Variants in ZC3H12B observed in about 807,000 individuals in gnomAD.
The protein encoded by ZC3H12B is zinc finger CCCH-type containing 12B.
In ZC3H12B, 7 loss-of-function variants were observed where a neutral mutation model predicts 43.9. The ratio of observed to expected loss-of-function variants is 0.16; its 90% CI spans 0.09 to 0.30. ZC3H12B has a LOEUF of 0.30. ZC3H12B is among the 10% of genes least tolerant of loss of function. The pLI, the probability that ZC3H12B is intolerant of heterozygous loss-of-function variation, is 1.00. For missense variants in ZC3H12B, 475 were observed against 670.2 expected, an observed-to-expected ratio of 0.71 and a Z score of 3.22; for synonymous variants, 222 against 241.7, an observed-to-expected ratio of 0.92 and a Z score of 0.76.
intron 3 of ZC3H12B, among the ~76,000 whole-genome samples, chrX:65,407,372 GGCGT>G (rs1308850110): frequency 1.8e-5 from 2 of 112,499 alleles, no homozygotes; most frequent in African/African-American, 6.5e-5. Flanking sequence ...GGTCGCACGG[GGCGT>G]GCCGAGCCGC....
At chrX:65,272,133 G>A in the ZC3H12B span, 15,191 of 108,733 alleles carry the variant, frequency 0.14, 2,716 homozygotes, top group African/African-American at 0.48. Context: ...AGAATGGTGC[G>A]AACATGGGAG....
the ZC3H12B span, among the ~76,000 whole-genome samples, chrX:65,355,978 A>G: frequency 8.9e-6 from 1 of 112,085 alleles, no homozygotes; most frequent in African/African-American, 3.2e-5. Context: ...GAAATAAAAT[A>G]AAATTCTTAT....
intron 2 of ZC3H12B, among the ~76,000 whole-genome samples, chrX:65,390,910 T>C (rs930031077): frequency 1.8e-5 from 2 of 111,696 alleles, no homozygotes; most frequent in Non-Finnish European, 3.8e-5. Context: ...TAGGAATCAA[T>C]AATAACAATA....
intron 3 of ZC3H12B, among the ~76,000 whole-genome samples, chrX:65,434,156 A>C (rs2067194078): frequency 9.0e-6 from 1 of 111,680 alleles, no homozygotes; most frequent in African/African-American, 3.3e-5. Flanking sequence ...ATTACATTTA[A>C]GTTTTTCATT....
the ZC3H12B span, among the ~76,000 whole-genome samples, chrX:65,138,599 T>C: frequency 8.9e-6 from 1 of 112,167 alleles, no homozygotes; most frequent in Admixed American, 9.4e-5. Flanking sequence ...TATTCACATA[T>C]ACCCAGCAGT....
chrX:65,356,578 A>T, the ZC3H12B span, among the ~76,000 whole-genome samples: 1 of 112,415 alleles, frequency 8.9e-6, no homozygotes, highest in East Asian at 2.8e-4. Context: ...TATATACCAT[A>T]ATGTAAAATA....
the ZC3H12B span, among the ~76,000 whole-genome samples, chrX:65,190,037 C>T: frequency 2.7e-5 from 3 of 111,573 alleles, no homozygotes; most frequent in African/African-American, 9.8e-5. Context: ...TTCCCCAGCA[C>T]CATTTATTAA....
At chrX:65,440,420 G>A (rs755389665) in intron 3 of ZC3H12B, among the ~76,000 whole-genome samples, 2 of 112,464 alleles carry the variant, frequency 1.8e-5, no homozygotes, top group South Asian at 7.3e-4. Context: ...ACGTTAATAG[G>A]CATATCAAAA....
At chrX:65,153,647 T>A in the ZC3H12B span, among the ~76,000 whole-genome samples, 1 of 112,100 alleles carries the variant, frequency 8.9e-6, no homozygotes, top group Non-Finnish European at 1.9e-5. Flanking sequence ...GTAAACTAGT[T>A]CAACCATTGT....
chrX:65,230,942 TA>T, the ZC3H12B span, among the ~76,000 whole-genome samples: 1 of 112,272 alleles, frequency 8.9e-6, no homozygotes, highest in Non-Finnish European at 1.9e-5. Flanking sequence ...TATGAAGACT[TA>T]AGGATAAACC....
chrX:65,502,901 T>C (rs1463996292), exon 5 of ZC3H12B: 2 of 1,211,736 alleles, frequency 1.7e-6, no homozygotes, highest in Admixed American at 2.2e-5. Context: ...CCCGCTGCCC[T>C]GTACAACTGA....
the ZC3H12B span, among the ~76,000 whole-genome samples, chrX:65,192,081 G>T: frequency 2.7e-5 from 3 of 110,249 alleles, no homozygotes; most frequent in African/African-American, 9.9e-5. Flanking sequence ...TGAGGAGCAG[G>T]TTGTTCAGTT....
At chrX:65,153,828 C>G in the ZC3H12B span, among the ~76,000 whole-genome samples, 11 of 110,604 alleles carry the variant, frequency 9.9e-5, no homozygotes, top group African/African-American at 2.3e-4. Flanking sequence ...TTGGAACCAA[C>G]CCAAATGTCC....
chrX:65,339,299 G>T, the ZC3H12B span, among the ~76,000 whole-genome samples: 1 of 111,360 alleles, frequency 9.0e-6, no homozygotes, highest in Non-Finnish European at 1.9e-5. Context: ...ACACTGCATG[G>T]GTCTACAGTG....
At chrX:65,388,463 A>C (rs2066562555) in intron 2 of ZC3H12B, among the ~76,000 whole-genome samples, 1 of 112,036 alleles carries the variant, frequency 8.9e-6, no homozygotes, top group Admixed American at 9.5e-5. Flanking sequence ...TTCATCACGT[A>C]GTTCTCGTGC....
the ZC3H12B span, among the ~76,000 whole-genome samples, chrX:65,278,204 G>A: frequency 4.5e-5 from 5 of 111,483 alleles, no homozygotes; most frequent in Admixed American, 9.5e-5. Context: ...TCCTGGACAC[G>A]TACAACACAT....
In ZC3H12B at chrX:65,502,168, C is replaced by T. The variant is rs768454322; in HGVS notation, c.1470C>T (p.Ala490=). 62 of 1,209,129 alleles carry T rather than the reference C, an allele frequency of 5.1e-5. No homozygotes were observed. In the Middle Eastern group the frequency reaches 3.7e-3, roughly 72 times the overall value. ...TGGGTGCACTCAACACCCGTTCGGCCAGCAGCCCAGTGCCAGGATCCTCCC... is the reference window on the plus strand; with the variant it reads ...TGGGTGCACTCAACACCCGTTCGGCTAGCAGCCCAGTGCCAGGATCCTCCC... The change falls in exon 5 of 5, where the codon GCC becomes GCT. Residue 490 remains alanine (A), a synonymous_variant. Transcript: ENST00000338957.
chrX:65,045,341 C>T, the ZC3H12B span, among the ~76,000 whole-genome samples: 2 of 112,118 alleles, frequency 1.8e-5, no homozygotes, highest in African/African-American at 3.2e-5. Context: ...AAATTAGAGT[C>T]GGTCCTATCA....
chrX:65,445,434 T>G (rs1373768291), intron 3 of ZC3H12B, among the ~76,000 whole-genome samples: 2 of 112,748 alleles, frequency 1.8e-5, no homozygotes, highest in Non-Finnish European at 3.7e-5. Context: ...TTGGGTACGA[T>G]TCAAGAGAAA....
Sources: gnomAD v4.1 joint callset for allele counts (sites outside exome capture counted in the v4.1 genomes callset) on GRCh38, gnomAD v4.1.1 for gene constraint, MANE v1.5 for transcripts, NCBI Gene and HGNC (gene_info 2026-07-23, HGNC 2026-07-21) for gene names.